Variants in SVOPL observed in about 807,000 individuals in gnomAD.
The protein encoded by SVOPL is putative transporter SVOPL.
SVOPL carries 60 observed loss-of-function variants against 61.0 expected under a neutral mutation model. That is an observed-to-expected ratio of 0.98 (90% CI 0.80 to 1.22). The LOEUF (loss-of-function observed/expected upper bound fraction) is 1.22, where lower values mean the gene tolerates loss of function less well. SVOPL is among the 50% of genes most tolerant of loss of function. The pLI is 0.00. For synonymous variants in SVOPL, 279 were observed against 250.0 expected (o/e 1.12, Z -1.09); for missense variants, 662 against 643.9 (o/e 1.03, Z -0.30).
At chr7:138,667,276 C>T (rs1256443758) in intron 4 of SVOPL, among the ~76,000 whole-genome samples, 1 of 152,166 alleles carries the variant, frequency 6.6e-6, no homozygotes. Flanking sequence ...GCCAGACCCC[C>T]CATGGAAAAT....
intron 10 of SVOPL, among the ~76,000 whole-genome samples, chr7:138,629,412 T>C (rs910410249): frequency 1.6e-4 from 25 of 152,114 alleles, no homozygotes; most frequent in Middle Eastern, 6.8e-3. Flanking sequence ...TTTGTATTTT[T>C]AGTGGAAACA....
intron 7 of SVOPL, among the ~76,000 whole-genome samples, chr7:138,654,497 T>G (rs1801604197): frequency 1.3e-5 from 1 of 75,750 alleles, no homozygotes; most frequent in Non-Finnish European, 2.8e-5. Flanking sequence ...GTTTACTGAG[T>G]TTGTTTTTTT....
chr7:138,614,780 G>C (rs1280224932), intron 14 of SVOPL, among the ~76,000 whole-genome samples: 2 of 152,198 alleles, frequency 1.3e-5, no homozygotes, highest in African/African-American at 2.4e-5. Flanking sequence ...GACGACAACG[G>C]AAGTGAGTCA....
intron 14 of SVOPL, among the ~76,000 whole-genome samples, chr7:138,607,483 C>A (rs182275185): frequency 4.7e-4 from 71 of 152,266 alleles, no homozygotes; most frequent in Non-Finnish European, 9.3e-4. Context: ...CAGAAGGGAA[C>A]ACGGGATGCC....
chr7:138,629,601 A>G (rs545358974), intron 10 of SVOPL, among the ~76,000 whole-genome samples: 1 of 152,238 alleles, frequency 6.6e-6, no homozygotes, highest in South Asian at 2.1e-4. Flanking sequence ...AAAACTCATC[A>G]ATCTTTTCCT....
chr7:138,598,493 C>T (rs1000814872), intron 14 of SVOPL, among the ~76,000 whole-genome samples: 3 of 152,184 alleles, frequency 2.0e-5, no homozygotes, highest in Non-Finnish European at 2.9e-5. Flanking sequence ...ACTTGTAGGA[C>T]AGGCCACCCA....
chr7:138,636,920 T>C (rs1800494206), intron 9 of SVOPL, among the ~76,000 whole-genome samples: 1 of 152,048 alleles, frequency 6.6e-6, no homozygotes, highest in South Asian at 2.1e-4. Flanking sequence ...CCAGGGGAAT[T>C]TACCCTATCA....
Position 138,663,079 on chromosome 7 carries a change from A to G in SVOPL, c.340T>C (p.Trp114Arg), listed in dbSNP as rs746399904. ...TACTGTGAGGCCCCACCTACCTTCC[A>G]GCGGCCATATCTGTCAGCCAGGAGG... is the stretch of plus-strand genomic sequence containing the variant. The part of the protein sequence containing the change: ...FGLLADRYGR[W>R]KILLISFLWG... Residue 114 changes from tryptophan (W) to arginine (R), a missense_variant, in exon 5 of 16, where the codon TGG (tryptophan) becomes CGG (arginine). Trp to Arg is a moderately radical substitution (Grantham distance 101). Coordinates refer to ENST00000674285, the MANE Select transcript of SVOPL (RefSeq NM_001139456.2). 1.9e-6 allele frequency: 3 copies of G among 1,614,072 alleles called. No homozygotes were observed. Among genetic ancestry groups the G allele is most frequent in the Admixed American group, 1.7e-5 (1 of 60,000 alleles).
At chr7:138,631,726 G>A (rs962226739) in intron 9 of SVOPL, among the ~76,000 whole-genome samples, 4 of 151,978 alleles carry the variant, frequency 2.6e-5, no homozygotes, top group Admixed American at 1.3e-4. Context: ...ACATCAAATC[G>A]TCCAGCTAAT....
chr7:138,645,443 A>G (rs1801053094), intron 8 of SVOPL, among the ~76,000 whole-genome samples: 1 of 152,158 alleles, frequency 6.6e-6, no homozygotes, highest in Non-Finnish European at 1.5e-5. Context: ...GCACCTCCAC[A>G]GCAGCACCTG....
At chr7:138,594,648 G>A in intron 15 of SVOPL, 27 bp from the exon 16 acceptor site, 1 of 1,555,780 alleles carries the variant, frequency 6.4e-7, no homozygotes, top group Non-Finnish European at 8.7e-7. Context: ...TAATAGATCA[G>A]TAATAGACTT....
At chr7:138,669,250 G>A (rs991425127) in intron 4 of SVOPL, among the ~76,000 whole-genome samples, 1 of 152,098 alleles carries the variant, frequency 6.6e-6, no homozygotes, top group African/African-American at 2.4e-5. Flanking sequence ...CAGGAGTAGA[G>A]ACTAGCCTCT....
At chr7:138,678,892 T>G in intron 2 of SVOPL, 72 bp downstream of exon 2, 1 of 1,462,012 alleles carries the variant, frequency 6.8e-7, no homozygotes, top group Non-Finnish European at 9.3e-7. Context: ...CTCACCTTTT[T>G]GCATTTAACC....
chr7:138,626,495 T>C lies in SVOPL; in HGVS notation c.1182-445A>G, dbSNP rs538803922. Among the ~76,000 whole-genome samples the C allele has an allele frequency of 1.7e-4, 26 of 152,238 alleles. No homozygotes were observed. The South Asian group carries it at 5.4e-3, about 32-fold the overall frequency. On this transcript the variant is annotated intron_variant, in intron 12 of 15. Coordinates refer to ENST00000674285, the MANE Select transcript of SVOPL (RefSeq NM_001139456.2). ...GCAGCCTCAGCCTCTCAGGCTCAAG[T>C]GATCCTCCCACCTCAGCCTCTTGGG...
intron 14 of SVOPL, among the ~76,000 whole-genome samples, chr7:138,607,507 G>C (rs1798811093): frequency 6.6e-6 from 1 of 152,170 alleles, no homozygotes; most frequent in Admixed American, 6.5e-5. Flanking sequence ...GGGAGAGCAC[G>C]GCCAGCAGTC....
At position 138,663,639 on chromosome 7, in the gene SVOPL, C is replaced by T. The variant is rs139901884; in HGVS notation, c.274-494G>A. On this transcript the variant is annotated intron_variant, in intron 4 of 15. Coordinates refer to ENST00000674285, the MANE Select transcript of SVOPL (RefSeq NM_001139456.2). ...GATACACCTACTTCTTTTCCTTACT[C>T]GTTCTCACAATGGCCTGTCCTCCCC... is the stretch of plus-strand genomic sequence containing the variant. 6.1e-6 allele frequency: 6 copies of T among 976,204 alleles called. No individual in the cohort carries two copies. In the African/African-American group the frequency reaches 1.0e-4, roughly 17 times the overall value. The allele number at this position is 976,204 out of a possible 1,614,324, so 60.5% of individuals were successfully genotyped here. A position where few individuals can be genotyped will look rare whatever the true frequency, so the allele number is the denominator to read the frequency against.
At chr7:138,620,121 TTTG>T (rs1369671617) in intron 14 of SVOPL, among the ~76,000 whole-genome samples, 2 of 125,668 alleles carry the variant, frequency 1.6e-5, no homozygotes, top group African/African-American at 2.8e-5. Context: ...TTTTTTCTGT[TTTG>T]TTTTTTTTTT....
At position 138,607,429 on chromosome 7, in the gene SVOPL, A is replaced by T. The variant is rs78351164; in HGVS notation, c.1354-10899T>A. ...ACAAAGACATGGGGAAGCAGCGGCC[A>T]CAGAGGTCGGAGGAAACCCACAGAG... On this transcript the variant is annotated intron_variant, in intron 14 of 15. Coordinates refer to ENST00000674285, the MANE Select transcript of SVOPL (RefSeq NM_001139456.2). Among the ~76,000 whole-genome samples the T allele has an allele frequency of 7.0e-4, 107 of 152,348 alleles. No individual in the cohort carries two copies. In the East Asian group the frequency reaches 0.02, roughly 28 times the overall value.
intron 6 of SVOPL, 88 bp from the exon 7 acceptor site, chr7:138,656,599 T>C (rs1354505477): frequency 5.8e-6 from 8 of 1,388,308 alleles, no homozygotes; most frequent in Admixed American, 3.6e-5. Context: ...GTCACAGGGA[T>C]AAAGAATTCA....
Sources: allele counts gnomAD v4.1 joint callset (sites outside exome capture counted in the v4.1 genomes callset), GRCh38; gene constraint gnomAD v4.1.1; transcripts MANE v1.5; gene names NCBI Gene and HGNC (gene_info 2026-07-23, HGNC 2026-07-21).